PPIP5K2: variants seen among roughly 807,000 people sequenced by gnomAD.
PPIP5K2 encodes inositol hexakisphosphate and diphosphoinositol-pentakisphosphate kinase 2.
PPIP5K2 carries 105 observed loss-of-function variants against 154.6 expected under a neutral mutation model. That is an observed-to-expected ratio of 0.68 (90% CI 0.58 to 0.80). The LOEUF (loss-of-function observed/expected upper bound fraction) is 0.80, where lower values mean the gene tolerates loss of function less well. Among genes scored for constraint, PPIP5K2 ranks in the 30% least tolerant of loss-of-function variants. The pLI, the probability that PPIP5K2 is intolerant of heterozygous loss-of-function variation, is 0.00. For missense variants in PPIP5K2, 992 were observed against 1,504.6 expected, an observed-to-expected ratio of 0.66 and a Z score of 5.64; for synonymous variants, 480 against 490.3, an observed-to-expected ratio of 0.98 and a Z score of 0.28.
Position 103,147,982 on chromosome 5 carries a change from G to A in PPIP5K2, c.694G>A (p.Gly232Ser), listed in dbSNP as rs782085625. 1 of 1,604,104 alleles carries A rather than the reference G, an allele frequency of 6.2e-7. No individual in the cohort carries two copies. Among genetic ancestry groups the A allele is most frequent in the Non-Finnish European group, 8.5e-7 (1 of 1,174,130 alleles). The change falls in exon 7 of 31, where the codon GGC becomes AGC. Residue 232 changes from glycine (G) to serine (S), a missense_variant. Gly to Ser is a moderately conservative substitution (Grantham distance 56, BLOSUM62 0). Around this residue, in one of 9 missense-constraint regions of PPIP5K2, gnomAD observed 51 missense variants for 152.2 expected, o/e 0.33. Transcript: ENST00000358359. ...YSPESNVRKT[G>S]SYIYEEFMPT... ...TCCAGAAAGCAATGTACGAAAAACA[G>A]GCTCATATATATATGAAGAGTTTAT...
At chr5:103,178,823 A>G (rs1799099690) in intron 23 of PPIP5K2, among the ~76,000 whole-genome samples, 2 of 151,822 alleles carry the variant, frequency 1.3e-5, no homozygotes, top group South Asian at 2.1e-4. Flanking sequence ...GCACCAAATA[A>G]TTGTTTTACA....
intron 2 of PPIP5K2, among the ~76,000 whole-genome samples, chr5:103,132,957 T>C (rs1178395130): frequency 6.6e-6 from 1 of 152,244 alleles, no homozygotes; most frequent in Admixed American, 6.5e-5. Flanking sequence ...GCAGTGTGGC[T>C]TTCTTTAAAA....
At chr5:103,125,531 G>C (rs1360055456) in intron 1 of PPIP5K2, among the ~76,000 whole-genome samples, 13 of 151,686 alleles carry the variant, frequency 8.6e-5, no homozygotes, top group Admixed American at 7.9e-4. Context: ...AAAAAGAAAG[G>C]CTTCCTTCAC....
At chr5:103,157,944 A>T (rs1382571227) in intron 14 of PPIP5K2, among the ~76,000 whole-genome samples, 1 of 152,208 alleles carries the variant, frequency 6.6e-6, no homozygotes, top group African/African-American at 2.4e-5. Context: ...ATTTTTCTAA[A>T]GTATGAGAGA....
intron 29 of PPIP5K2, 188 bp from the exon 30 acceptor site, chr5:103,194,711 AT>A (rs1562509402): frequency 1.9e-6 from 1 of 529,208 alleles, no homozygotes; most frequent in Non-Finnish European, 3.3e-6. Context: ...ACAAACATCT[AT>A]TTGTCTAAGG....
intron 5 of PPIP5K2, among the ~76,000 whole-genome samples, chr5:103,141,886 G>C (rs1450116260): frequency 1.3e-5 from 2 of 152,214 alleles, no homozygotes; most frequent in Non-Finnish European, 2.9e-5. Context: ...TAAACACAGG[G>C]TGCTGATTGG....
chr5:103,197,153 A>G (rs1435231151), intron 30 of PPIP5K2, among the ~76,000 whole-genome samples: 1 of 152,128 alleles, frequency 6.6e-6, no homozygotes, highest in Non-Finnish European at 1.5e-5. Context: ...CTGTTTTTGT[A>G]ATGCCTTTTT....
At chr5:103,144,627 G>T (rs782325062) in intron 5 of PPIP5K2, among the ~76,000 whole-genome samples, 1 of 152,118 alleles carries the variant, frequency 6.6e-6, no homozygotes, top group Non-Finnish European at 1.5e-5. Context: ...CACATTTGCA[G>T]TTAACTCATT....
chr5:103,136,636 T>A, intron 3 of PPIP5K2, 96 bp from the exon 4 acceptor site: 1 of 904,318 alleles, frequency 1.1e-6, no homozygotes, highest in Non-Finnish European at 1.8e-6. Flanking sequence ...GTTAATGAAA[T>A]GAATCTTTTA....
chr5:103,193,541 G>A (rs1801593169), intron 29 of PPIP5K2, among the ~76,000 whole-genome samples: 2 of 151,820 alleles, frequency 1.3e-5, no homozygotes, highest in South Asian at 4.1e-4. Context: ...ATATTAATTA[G>A]GATAAGTTAG....
At position 103,159,123 on chromosome 5, in the gene PPIP5K2, TTTTC is replaced by T. The variant is rs782419327; in HGVS notation, c.1738-19_1738-16del. The T allele has an allele frequency of 2.7e-5, 39 of 1,447,396 alleles. No homozygotes were observed. Among genetic ancestry groups the T allele is most frequent in the Non-Finnish European group, 3.3e-5 (35 of 1,075,880 alleles). 89.7% of individuals were successfully genotyped at this position (1,447,396 alleles called of 1,614,324 possible). On this transcript the variant is annotated intron_variant, in intron 16 of 30. Transcript: ENST00000358359. ...TACGTATTAATTTTTTAAATTCGTG[TTTTC>T]TTTATTTAATATGCTTAGGGGCTTT...
At chr5:103,125,459 T>TG (rs1160744131) in intron 1 of PPIP5K2, among the ~76,000 whole-genome samples, 18 of 149,796 alleles carry the variant, frequency 1.2e-4, no homozygotes, top group Non-Finnish European at 2.5e-4. Context: ...CCTGTTCAGT[T>TG]TTTTTTTTTT....
Position 103,207,720 on chromosome 5 carries a change from C to T in PPIP5K2, c.*6086C>T, listed in dbSNP as rs1055003201. On this transcript the variant is annotated 3_prime_UTR_variant, in exon 31 of 31. Coordinates refer to ENST00000358359, the MANE Select transcript of PPIP5K2 (RefSeq NM_001276277.3). Reference sequence around the variant, plus strand: ...TTCTGAACTTTGTTAGCTTATGTTGCATTTCCTTTGGTTGTTTTGCTATGG... The same window carrying T: ...TTCTGAACTTTGTTAGCTTATGTTGTATTTCCTTTGGTTGTTTTGCTATGG... 3.3e-5 allele frequency: 5 copies of T among 151,824 alleles called. No individual in the cohort carries two copies. The highest frequency in any genetic ancestry group is 5.9e-5 in the Non-Finnish European group (4 of 67,950). 9.4% of individuals were successfully genotyped at this position (151,824 alleles called of 1,614,324 possible).
At chr5:103,132,280 G>T (rs113837844) in intron 2 of PPIP5K2, among the ~76,000 whole-genome samples, 6 of 152,088 alleles carry the variant, frequency 3.9e-5, no homozygotes, top group African/African-American at 1.4e-4. Context: ...GGTAGCTCAC[G>T]CCTGTAATCC....
chr5:103,171,923 G>A (rs1241876904), intron 19 of PPIP5K2, among the ~76,000 whole-genome samples: 2 of 151,476 alleles, frequency 1.3e-5, no homozygotes, highest in Non-Finnish European at 3.0e-5. Context: ...CAATGTCTGA[G>A]TGGTGTGAAT....
intron 1 of PPIP5K2, among the ~76,000 whole-genome samples, chr5:103,123,600 C>T (rs1414821503): frequency 6.6e-6 from 1 of 152,174 alleles, no homozygotes; most frequent in Non-Finnish European, 1.5e-5. Context: ...CAGTTAGATT[C>T]CCAAACCTGG....
At position 103,156,884 on chromosome 5, in the gene PPIP5K2, C is replaced by T. The variant is rs150188252; in HGVS notation, c.1489+890C>T. Among the ~76,000 whole-genome samples the T allele has an allele frequency of 3.1e-3, 479 of 152,172 alleles. 5 individuals carry two copies. Among genetic ancestry groups the T allele is most frequent in the African/African-American group, 0.011 (450 of 41,546 alleles). On this transcript the variant is annotated intron_variant, in intron 14 of 30. Coordinates refer to ENST00000358359, the MANE Select transcript of PPIP5K2 (RefSeq NM_001276277.3). The stretch of plus-strand genomic sequence containing the variant: ...TATAGTAGCAAAAATTAATGATTAT[C>T]TTAAATGCAGACACATATTTATAAT...
At position 103,183,013 on chromosome 5, in the gene PPIP5K2, G is replaced by T. The variant is rs1012055605; in HGVS notation, c.2923-221G>T. ...CCATAGTTGTTATCACATACAATTAGATTTATTAGTCATTCCTATCAAATT... is the reference window on the plus strand; with the variant it reads ...CCATAGTTGTTATCACATACAATTATATTTATTAGTCATTCCTATCAAATT... On this transcript the variant is annotated intron_variant, in intron 24 of 30. Transcript: ENST00000358359. Among the ~76,000 whole-genome samples, 6 of 151,684 alleles carry T rather than the reference G, an allele frequency of 4.0e-5. No individual in the cohort carries two copies. In the South Asian group the frequency reaches 1.0e-3, roughly 26 times the overall value.
At position 103,180,141 on chromosome 5, in the gene PPIP5K2, C is replaced by T. The variant is rs1554222167; in HGVS notation, c.2875C>T (p.His959Tyr). The change falls in exon 24 of 31, where the codon CAC becomes TAC. Residue 959 changes from histidine (H) to tyrosine (Y), a missense_variant. Around this residue, in one of 9 missense-constraint regions of PPIP5K2, gnomAD observed 204 missense variants for 224.0 expected, o/e 0.91. Coordinates refer to ENST00000358359, the MANE Select transcript of PPIP5K2 (RefSeq NM_001276277.3). ...KPMVSEPIHIHRKSPLPRSRK... is the reference protein window; with the variant it reads ...KPMVSEPIHIYRKSPLPRSRK... ...AATGGTATCAGAGCCAATTCATATA[C>T]ACAGGAAGTCTCCACTTCCAAGATC... 1.2e-6 allele frequency: 2 copies of T among 1,600,584 alleles called. No homozygotes were observed. Among genetic ancestry groups the T allele is most frequent in the East Asian group, 2.3e-5 (1 of 43,808 alleles).
Sources: gnomAD v4.1 joint callset for allele counts (sites outside exome capture counted in the v4.1 genomes callset) on GRCh38, gnomAD v4.1.1 for gene constraint, gnomAD v4.1.1 regional missense constraint, MANE v1.5 for transcripts, NCBI Gene and HGNC (gene_info 2026-07-23, HGNC 2026-07-21) for gene names.